The following MACF1 variants were observed in gnomAD, a reference collection of about 807,000 sequenced individuals.
MACF1 encodes microtubule-actin cross-linking factor 1.
MACF1 carries 193 observed loss-of-function variants against 854.8 expected under a neutral mutation model. That is an observed-to-expected ratio of 0.23 (90% CI 0.20 to 0.25). MACF1 has a LOEUF of 0.25. Ranked by LOEUF, MACF1 falls within the 10% of genes least tolerant of loss-of-function variation. MACF1 has a pLI of 1.00. For synonymous variants in MACF1, 3,185 were observed against 3,226.7 expected (o/e 0.99, Z 0.44); for missense variants, 7,722 against 8,929.1 (o/e 0.86, Z 5.45).
intron 2 of MACF1, among the ~76,000 whole-genome samples, chr1:39,188,151 G>A (rs1385995495): frequency 2.6e-5 from 4 of 151,840 alleles, no homozygotes; most frequent in South Asian, 2.1e-4. Context: ...TAAGACTTGG[G>A]CCCTGGCCAG....
chr1:39,447,116 G>A lies in MACF1; in HGVS notation c.19606-316G>A, dbSNP rs797000951. Among the ~76,000 whole-genome samples the A allele has an allele frequency of 3.3e-5, 5 of 152,250 alleles. 1 individual carries two copies. Among genetic ancestry groups the A allele is most frequent in the African/African-American group, 1.2e-4 (5 of 41,554 alleles). Reference sequence around the variant, plus strand: ...AGATCCTGCAGCTGTCACCACTAAAGGGTCTGTTCACTTACAGTTATTGAA... The same window carrying A: ...AGATCCTGCAGCTGTCACCACTAAAAGGTCTGTTCACTTACAGTTATTGAA... On this transcript the variant is annotated intron_variant, in intron 80 of 100. Coordinates refer to ENST00000564288, the MANE Select transcript of MACF1 (RefSeq NM_001394062.1).
intron 31 of MACF1, among the ~76,000 whole-genome samples, chr1:39,320,916 C>G (rs975374693): frequency 6.6e-6 from 1 of 152,082 alleles, no homozygotes; most frequent in East Asian, 1.9e-4. Flanking sequence ...GCTATTGAGC[C>G]GTGATTGTGT....
chr1:39,330,663 A>C (rs1226212696), intron 36 of MACF1, among the ~76,000 whole-genome samples: 1 of 152,152 alleles, frequency 6.6e-6, no homozygotes, highest in Non-Finnish European at 1.5e-5. Flanking sequence ...GGAACTTCTG[A>C]CCTATTAAAC....
At chr1:39,413,110 G>A (rs377071603) in intron 58 of MACF1, 147 of 1,607,886 alleles carry the variant, frequency 9.1e-5, no homozygotes, top group South Asian at 5.8e-4. Flanking sequence ...GTCAGCTGTC[G>A]CAGGGTTCTC....
intron 97 of MACF1, among the ~76,000 whole-genome samples, chr1:39,472,491 A>T (rs1322820934): frequency 6.6e-6 from 1 of 152,146 alleles, no homozygotes; most frequent in African/African-American, 2.4e-5. Flanking sequence ...CACCTTTTTT[A>T]ATTCTTAAAA....
chr1:39,108,586 C>T (rs1416951740), intron 2 of MACF1, among the ~76,000 whole-genome samples: 1 of 149,080 alleles, frequency 6.7e-6, no homozygotes, highest in Non-Finnish European at 1.5e-5. Flanking sequence ...TCTCCACTCA[C>T]TGCAAGCTCT....
At chr1:39,213,629 A>G (rs557533015) in intron 1 of MACF1, among the ~76,000 whole-genome samples, 1 of 152,110 alleles carries the variant, frequency 6.6e-6, no homozygotes, top group African/African-American at 2.4e-5. Flanking sequence ...GAGCCACTGC[A>G]CTCAGTCTCA....
At chr1:39,250,314 T>C in intron 3 of MACF1, 1 of 354,556 alleles carries the variant, frequency 2.8e-6, no homozygotes. Context: ...TGTTCTCATT[T>C]CTTGATGAAA....
intron 43 of MACF1, 77 bp downstream of exon 43, chr1:39,351,095 G>T: frequency 9.9e-7 from 1 of 1,013,504 alleles, no homozygotes; most frequent in Non-Finnish European, 1.5e-6. Flanking sequence ...GACAGTGAGG[G>T]GAAAACAGGC....
chr1:39,459,518 A>G (rs1010163206), intron 91 of MACF1, among the ~76,000 whole-genome samples: 4 of 152,202 alleles, frequency 2.6e-5, no homozygotes, highest in African/African-American at 9.7e-5. Context: ...CCAGGACCTG[A>G]TCTGCCTCAG....
Position 39,283,261 on chromosome 1 carries a change from G to A in MACF1, c.768G>A (p.Val256=). 6.2e-7 allele frequency: 1 copy of A among 1,614,006 alleles called. No homozygotes were observed. The change falls in exon 8 of 101, where the codon GTG becomes GTA. Residue 256 remains valine (V), a synonymous_variant. Coordinates refer to ENST00000564288, the MANE Select transcript of MACF1 (RefSeq NM_001394062.1). This position sits in a 1 kb window ranked among gnomAD's most constrained non-coding sequence, Gnocchi z 4.5. Reference sequence around the variant, plus strand: ...AGAATCTGGAACAGGCTTTTGAAGTGGCAGAAAGACTGGGGGTCACTCGCC... The same window carrying A: ...AGAATCTGGAACAGGCTTTTGAAGTAGCAGAAAGACTGGGGGTCACTCGCC... ...NRENLEQAFE[V]AERLGVTRLL... is the part of the protein sequence containing the mutation.
In MACF1 at chr1:39,381,402, C is replaced by T. The variant is rs187210875; in HGVS notation, c.13649-551C>T. ...TTGGGGGGGGGGACAGGGTCTTGCT[C>T]TGTCACCCAGGCTGGAGTACAGTGG... is the stretch of plus-strand genomic sequence containing the variant. On this transcript the variant is annotated intron_variant, in intron 55 of 100. Coordinates refer to ENST00000564288, the MANE Select transcript of MACF1 (RefSeq NM_001394062.1). Among the ~76,000 whole-genome samples, 57 of 129,594 alleles carry T rather than the reference C, an allele frequency of 4.4e-4. 2 individuals are homozygous for T. In the East Asian group the frequency reaches 0.013, roughly 30 times the overall value. The allele number at this position is 129,594 out of a possible 152,430, so 85.0% of individuals were successfully genotyped here.
chr1:39,228,983 G>A (rs769842895), intron 1 of MACF1, among the ~76,000 whole-genome samples: 6 of 152,216 alleles, frequency 3.9e-5, no homozygotes, highest in Non-Finnish European at 5.9e-5. Context: ...AGTCCCAAAT[G>A]AGAGTCAATA....
intron 49 of MACF1, among the ~76,000 whole-genome samples, chr1:39,363,673 G>T (rs934592307): frequency 6.7e-6 from 1 of 150,264 alleles, no homozygotes; most frequent in Non-Finnish European, 1.5e-5. Flanking sequence ...GCAGTGGCAC[G>T]ATCTTGGCTC....
chr1:39,482,326 T>G (rs1645024832), intron 99 of MACF1, among the ~76,000 whole-genome samples: 1 of 152,222 alleles, frequency 6.6e-6, no homozygotes, highest in Non-Finnish European at 1.5e-5. Flanking sequence ...GTTAATCACT[T>G]TCTATCGCTT....
chr1:39,179,175 C>T (rs1276082687), intron 2 of MACF1, among the ~76,000 whole-genome samples: 1 of 152,170 alleles, frequency 6.6e-6, no homozygotes, highest in Non-Finnish European at 1.5e-5. Context: ...AGGTGAACTC[C>T]CCCACACACT....
At chr1:39,231,783 G>A (rs1180098518) in intron 2 of MACF1, among the ~76,000 whole-genome samples, 1 of 151,676 alleles carries the variant, frequency 6.6e-6, no homozygotes, top group Non-Finnish European at 1.5e-5. Context: ...GGGCTAAAGC[G>A]ATCCTCCTAC....
At chr1:39,354,515 A>G (rs971163092) in intron 44 of MACF1, among the ~76,000 whole-genome samples, 2 of 152,022 alleles carry the variant, frequency 1.3e-5, no homozygotes, top group East Asian at 1.9e-4. Context: ...AGCAATTCTC[A>G]TGCATCAGCC....
rs1644362839 is a variant in MACF1, at chr1:39,452,750, C to T, written c.20680C>T (p.Arg6894Cys). The change falls in exon 87 of 101, where the codon CGC (arginine) becomes TGC (cysteine). Residue 6894 changes from arginine (R) to cysteine (C), a missense_variant. Coordinates refer to ENST00000564288, the MANE Select transcript of MACF1 (RefSeq NM_001394062.1). ...GCTTTCTGAAGCAGAGCAAACGCTT[C>T]GCTTTCGGGGAGCACTTCCTGATGA... ...EWLSEAEQTLRFRGALPDDTE... is the reference protein window; with the variant it reads ...EWLSEAEQTLCFRGALPDDTE... 1.9e-6 allele frequency: 3 copies of T among 1,614,032 alleles called. No individual in the cohort carries two copies. Among genetic ancestry groups the T allele is most frequent in the Non-Finnish European group, 8.5e-7 (1 of 1,180,008 alleles).
Sources: allele counts gnomAD v4.1 joint callset (sites outside exome capture counted in the v4.1 genomes callset), GRCh38; gene constraint gnomAD v4.1.1; non-coding constraint Gnocchi (gnomAD v3.1); transcripts MANE v1.5; gene names NCBI Gene and HGNC (gene_info 2026-07-23, HGNC 2026-07-21).